BMPR1B: variants seen among roughly 807,000 people sequenced by gnomAD.
The protein encoded by BMPR1B is bone morphogenetic protein receptor type 1B.
Under a neutral mutation model 59.1 loss-of-function variants are expected in BMPR1B, and 12 were observed. The observed-to-expected ratio is 0.20, with a 90% CI of 0.13 to 0.33. BMPR1B has a LOEUF of 0.33. BMPR1B is among the 10% of genes least tolerant of loss of function. The pLI is 1.00. For missense variants in BMPR1B, 550 were observed against 610.9 expected, an observed-to-expected ratio of 0.90 and a Z score of 1.05; for synonymous variants, 237 against 207.3, an observed-to-expected ratio of 1.14 and a Z score of -1.23.
chr4:94,833,975 G>A (rs1286903286), intron 1 of BMPR1B, among the ~76,000 whole-genome samples: 5 of 152,220 alleles, frequency 3.3e-5, no homozygotes, highest in African/African-American at 1.2e-4. Context: ...GTGTACTTGA[G>A]AGCTACCCAT....
intron 2 of BMPR1B, among the ~76,000 whole-genome samples, chr4:94,932,213 A>G (rs1729119454): frequency 6.6e-6 from 1 of 152,182 alleles, no homozygotes; most frequent in Admixed American, 6.6e-5. Context: ...TGACTGCCAT[A>G]GTAACCACAC....
chr4:95,092,541 A>C (rs566202937), intron 3 of BMPR1B, among the ~76,000 whole-genome samples: 25 of 152,124 alleles, frequency 1.6e-4, no homozygotes, highest in Non-Finnish European at 2.6e-4. Flanking sequence ...AGTTGATAAT[A>C]GTGTTTAGCT....
chr4:94,889,095 G>A (rs1383727046), intron 2 of BMPR1B, among the ~76,000 whole-genome samples: 3 of 151,990 alleles, frequency 2.0e-5, no homozygotes, highest in African/African-American at 7.2e-5. Context: ...GGAATAGGAT[G>A]TCAGTACCAG....
chr4:94,788,126 T>C (rs1422027372), intron 1 of BMPR1B, among the ~76,000 whole-genome samples: 1 of 152,114 alleles, frequency 6.6e-6, no homozygotes, highest in Non-Finnish European at 1.5e-5. Context: ...GTCCCTGCAG[T>C]CTTAAGCTCT....
chr4:94,991,245 G>A (rs765004480), intron 2 of BMPR1B, among the ~76,000 whole-genome samples: 4 of 152,094 alleles, frequency 2.6e-5, no homozygotes, highest in Non-Finnish European at 4.4e-5. Flanking sequence ...CTTTGTAAAT[G>A]TTGATTTTTG....
chr4:95,077,318 C>T (rs1397053752), intron 3 of BMPR1B, among the ~76,000 whole-genome samples: 1 of 152,022 alleles, frequency 6.6e-6, no homozygotes, highest in East Asian at 1.9e-4. Context: ...ACCTTAAGAC[C>T]CTATATTATA....
chr4:94,968,665 C>T (rs756923559), intron 2 of BMPR1B, among the ~76,000 whole-genome samples: 44 of 152,214 alleles, frequency 2.9e-4, no homozygotes, highest in Non-Finnish European at 5.6e-4. Context: ...TCTGTGCCTC[C>T]GATGTTTGAG....
chr4:95,094,835 CCTTATCTTTT>C (rs1377785856), intron 3 of BMPR1B, among the ~76,000 whole-genome samples: 1 of 152,046 alleles, frequency 6.6e-6, no homozygotes, highest in Admixed American at 6.6e-5. Flanking sequence ...CAACATCTTC[CCTTATCTTTT>C]ATCTGATTTC....
rs1164455501 is a variant in BMPR1B, at chr4:95,130,165, A to C, written c.778+111A>C. On this transcript the variant is annotated intron_variant, in intron 9 of 12. Transcript: ENST00000515059. ...CTAGACCCGTTGCGAAATGTATTGA[A>C]GTTTTCTTCTTGGCATGGGCCCAAG... 1.1e-5 allele frequency: 14 copies of C among 1,323,430 alleles called. No homozygotes were observed. In the Admixed American group the frequency reaches 2.1e-4, roughly 20 times the overall value. The allele number at this position is 1,323,430 out of a possible 1,614,324, so 82.0% of individuals were successfully genotyped here.
At chr4:95,031,251 A>G (rs992942516) in intron 3 of BMPR1B, among the ~76,000 whole-genome samples, 20 of 152,284 alleles carry the variant, frequency 1.3e-4, no homozygotes, top group Non-Finnish European at 2.4e-4. Context: ...CAATGCAGAG[A>G]GCATATTTGA....
At chr4:95,040,552 A>T (rs138793824) in intron 3 of BMPR1B, among the ~76,000 whole-genome samples, 2 of 152,290 alleles carry the variant, frequency 1.3e-5, no homozygotes, top group East Asian at 1.9e-4. Flanking sequence ...CTGCTTAGGG[A>T]TGCTTTAGCA....
At chr4:94,868,195 G>T (rs181200303) in intron 1 of BMPR1B, among the ~76,000 whole-genome samples, 1 of 150,860 alleles carries the variant, frequency 6.6e-6, no homozygotes, top group South Asian at 2.1e-4. Flanking sequence ...TTGAGACGGG[G>T]TCTCACTCAG....
At chr4:94,790,924 T>G (rs1276262859) in intron 1 of BMPR1B, among the ~76,000 whole-genome samples, 1 of 152,204 alleles carries the variant, frequency 6.6e-6, no homozygotes, top group Non-Finnish European at 1.5e-5. Flanking sequence ...GGTAGCTTTT[T>G]TGATAGTTTT....
chr4:94,874,209 G>A (rs1726623356), intron 1 of BMPR1B, among the ~76,000 whole-genome samples: 1 of 151,578 alleles, frequency 6.6e-6, no homozygotes, highest in Non-Finnish European at 1.5e-5. Flanking sequence ...TCTTTCAGTG[G>A]ACATTTGGGT....
intron 1 of BMPR1B, among the ~76,000 whole-genome samples, chr4:94,802,885 T>A (rs571996511): frequency 6.6e-6 from 1 of 152,198 alleles, no homozygotes; most frequent in Non-Finnish European, 1.5e-5. Context: ...AGTTATCTCA[T>A]GCTTTTTTGT....
intron 1 of BMPR1B, among the ~76,000 whole-genome samples, chr4:94,806,223 G>C (rs1723599858): frequency 6.6e-6 from 1 of 152,144 alleles, no homozygotes; most frequent in Non-Finnish European, 1.5e-5. Context: ...AGCTCAGGCT[G>C]AGTCTACAGT....
At chr4:94,988,178 C>T (rs185206756) in intron 2 of BMPR1B, among the ~76,000 whole-genome samples, 1 of 152,080 alleles carries the variant, frequency 6.6e-6, no homozygotes, top group Admixed American at 6.5e-5. Flanking sequence ...TTTTAAATAA[C>T]ACTTTTGATA....
At chr4:94,962,113 TTCCTTCCTTCTTTCCTTCCTTCC>T (rs1730387669) in intron 2 of BMPR1B, among the ~76,000 whole-genome samples, 1 of 135,096 alleles carries the variant, frequency 7.4e-6, no homozygotes, top group Non-Finnish European at 1.5e-5. Flanking sequence ...CCTTCCTTCC[TTCCTTCCTTCTTTCCTTCCTTCC>T]TTCCTTTCTT....
intron 2 of BMPR1B, among the ~76,000 whole-genome samples, chr4:94,919,950 A>G (rs1478341544): frequency 6.6e-6 from 1 of 152,174 alleles, no homozygotes; most frequent in Admixed American, 6.5e-5. Flanking sequence ...GTTGTTTGAA[A>G]GTAATTGTCT....
Sources: allele counts gnomAD v4.1 joint callset (sites outside exome capture counted in the v4.1 genomes callset), GRCh38; gene constraint gnomAD v4.1.1; transcripts MANE v1.5; gene names NCBI Gene and HGNC (gene_info 2026-07-23, HGNC 2026-07-21).